Variants in DPP6 observed in about 807,000 individuals in gnomAD.
DPP6 encodes the protein A-type potassium channel modulatory protein DPP6.
DPP6 carries 69 observed loss-of-function variants against 122.6 expected under a neutral mutation model. The ratio of observed to expected loss-of-function variants is 0.56; its 90% confidence interval spans 0.46 to 0.69. DPP6 has a LOEUF of 0.69. DPP6 is among the 30% of genes least tolerant of loss of function. The pLI is 0.00. For synonymous variants in DPP6, 418 were observed against 433.1 expected, an observed-to-expected ratio of 0.97 and a Z score of 0.43; for missense variants, 928 against 1,116.9, an observed-to-expected ratio of 0.83 and a Z score of 2.41.
chr7:154,351,617 G>A (rs1324330990), intron 1 of DPP6, among the ~76,000 whole-genome samples: 2 of 152,198 alleles, frequency 1.3e-5, no homozygotes, highest in Non-Finnish European at 2.9e-5. Flanking sequence ...CCCTGTGCCA[G>A]GTGGCAGGAG....
chr7:154,232,906 A>C (rs1003475674), intron 1 of DPP6, among the ~76,000 whole-genome samples: 1 of 152,246 alleles, frequency 6.6e-6, no homozygotes. Context: ...AGTTTGAAGA[A>C]GCAAGGAGCC....
At chr7:154,394,452 T>A (rs1482180326) in intron 1 of DPP6, among the ~76,000 whole-genome samples, 4 of 151,520 alleles carry the variant, frequency 2.6e-5, no homozygotes, top group Non-Finnish European at 5.9e-5. Flanking sequence ...TGTTGTATTT[T>A]TTGAGTTTTA....
intron 6 of DPP6, 68 bp downstream of exon 6, chr7:154,637,941 G>T (rs1417358835): frequency 1.3e-6 from 2 of 1,512,060 alleles, no homozygotes. Flanking sequence ...GAACATGGAC[G>T]AGCTGTTTAA....
At chr7:154,311,855 C>T (rs1186525784) in intron 1 of DPP6, among the ~76,000 whole-genome samples, 1 of 152,148 alleles carries the variant, frequency 6.6e-6, no homozygotes, top group Non-Finnish European at 1.5e-5. Flanking sequence ...TCCACCTGGG[C>T]CTTGCTAAAT....
intron 1 of DPP6, among the ~76,000 whole-genome samples, chr7:153,921,561 A>G (rs1800640606): frequency 6.6e-6 from 1 of 152,216 alleles, no homozygotes; most frequent in Non-Finnish European, 1.5e-5. Flanking sequence ...AAAGTGTGTG[A>G]CGTGTCTGCC....
At chr7:154,663,614 C>G (rs4960703) in intron 6 of DPP6, among the ~76,000 whole-genome samples, 2 of 40,008 alleles carry the variant, frequency 5.0e-5, no homozygotes, top group Non-Finnish European at 9.0e-5. Context: ...CGTGTTGGCC[C>G]TAGTGTTCAC....
chr7:154,149,653 A>C (rs1422623028), intron 1 of DPP6, among the ~76,000 whole-genome samples: 2 of 151,944 alleles, frequency 1.3e-5, no homozygotes, highest in Non-Finnish European at 2.9e-5. Context: ...AAGGAAATGG[A>C]TGGATGAAGA....
chr7:154,328,844 A>G (rs1808669799), intron 1 of DPP6, among the ~76,000 whole-genome samples: 1 of 152,198 alleles, frequency 6.6e-6, no homozygotes, highest in South Asian at 2.1e-4. Context: ...GGGTGATGCC[A>G]GAGCCAAAAC....
intron 1 of DPP6, among the ~76,000 whole-genome samples, chr7:153,950,903 T>C (rs1292170430): frequency 6.6e-6 from 1 of 152,122 alleles, no homozygotes; most frequent in African/African-American, 2.4e-5. Flanking sequence ...TCTCGTGGAA[T>C]GCAAGCCACG....
At chr7:154,061,716 G>A (rs12671514) in intron 1 of DPP6, among the ~76,000 whole-genome samples, 3 of 85,818 alleles carry the variant, frequency 3.5e-5, no homozygotes, top group Admixed American at 1.1e-4. Context: ...GGCAATCCCC[G>A]CGAGGCGGGG....
intron 7 of DPP6, among the ~76,000 whole-genome samples, chr7:154,721,980 CA>C (rs1172026088): frequency 2.1e-5 from 3 of 140,784 alleles, no homozygotes; most frequent in Non-Finnish European, 3.0e-5. Context: ...GCCTAGGCAA[CA>C]TAGTGAGACC....
At chr7:154,801,591 G>T in intron 13 of DPP6, 129 bp downstream of exon 13, 1 of 1,315,846 alleles carries the variant, frequency 7.6e-7, no homozygotes, top group South Asian at 1.6e-5. Flanking sequence ...GTTCCCGAAG[G>T]CAGGGCAGGG....
At chr7:153,933,560 G>A (rs1801275930) in intron 1 of DPP6, among the ~76,000 whole-genome samples, 1 of 152,156 alleles carries the variant, frequency 6.6e-6, no homozygotes. Context: ...CTGCTGTGTG[G>A]CTCTTTAATA....
At chr7:154,381,148 A>G (rs1429514026) in intron 1 of DPP6, among the ~76,000 whole-genome samples, 1 of 152,082 alleles carries the variant, frequency 6.6e-6, no homozygotes, top group Non-Finnish European at 1.5e-5. Context: ...AGACATTTCC[A>G]GTGGGATCTC....
chr7:154,836,439 A>G (rs1437255549), intron 16 of DPP6, among the ~76,000 whole-genome samples: 2 of 152,234 alleles, frequency 1.3e-5, no homozygotes, highest in Admixed American at 1.3e-4. Flanking sequence ...GTTCTGTCGC[A>G]CTTTCACAAC....
chr7:154,889,187 C>G, intron 23 of DPP6, 85 bp from the exon 24 acceptor site: 1 of 1,532,082 alleles, frequency 6.5e-7, no homozygotes, highest in Non-Finnish European at 8.8e-7. Context: ...ACTTCACCTA[C>G]CTTCTCAGTC....
chr7:154,259,429 A>G (rs1435378842), intron 1 of DPP6, among the ~76,000 whole-genome samples: 1 of 152,202 alleles, frequency 6.6e-6, no homozygotes, highest in East Asian at 1.9e-4. Context: ...TTGGAAAGGG[A>G]GGGGCCGCTG....
At chr7:154,790,809 A>AGGAGGGAGGGAG (rs372646872) in intron 10 of DPP6, among the ~76,000 whole-genome samples, 1 of 109,536 alleles carries the variant, frequency 9.1e-6, no homozygotes, top group African/African-American at 3.6e-5. Flanking sequence ...AAGGGAGGAA[A>AGGAGGGAGGGAG]GGAGGGAGGG....
chr7:154,737,131 T>G (rs1842605386), intron 8 of DPP6, among the ~76,000 whole-genome samples: 1 of 152,216 alleles, frequency 6.6e-6, no homozygotes, highest in Admixed American at 6.5e-5. Context: ...ACATACTGAA[T>G]GAATAGAGTA....
Sources: gnomAD v4.1 joint callset for allele counts (sites outside exome capture counted in the v4.1 genomes callset) on GRCh38, gnomAD v4.1.1 for gene constraint, MANE v1.5 for transcripts, NCBI Gene and HGNC (gene_info 2026-07-23, HGNC 2026-07-21) for gene names.